FGGY: variants seen among roughly 807,000 people sequenced by gnomAD.
The protein encoded by FGGY is FGGY carbohydrate kinase domain containing, also known as FGGY carbohydrate kinase domain-containing protein.
FGGY carries 72 observed loss-of-function variants against 71.3 expected under a neutral mutation model. The observed-to-expected ratio is 1.01, with a 90% CI of 0.84 to 1.23. The LOEUF is 1.23. Among genes scored for constraint, FGGY ranks in the 50% most tolerant of loss-of-function variants. The probability of loss-of-function intolerance (pLI) is 0.00; values close to 1 mark genes in which losing one functional copy is unlikely to be tolerated. For synonymous variants in FGGY, 251 were observed against 250.3 expected (o/e 1.00, Z -0.02); for missense variants, 668 against 682.3 (o/e 0.98, Z 0.23).
rs542117299 is a variant in FGGY, at chr1:59,722,822, G to A, written c.1513-35109G>A. On this transcript the variant is annotated intron_variant, in intron 14 of 15. Transcript: ENST00000303721. ...TTTTGTTTTGTTTTGTCTGTGTGAC[G>A]GAGTCTTGCTCTCACCCAGGCTAGA... is the stretch of plus-strand genomic sequence containing the variant. Among the ~76,000 whole-genome samples, 16 of 152,136 alleles carry A rather than the reference G, an allele frequency of 1.1e-4. No homozygotes were observed. The South Asian group carries it at 2.1e-3, about 20-fold the overall frequency.
rs4256838 is a variant in FGGY at position 59,604,874 on chromosome 1, A to G, written c.904-2929A>G. ...AACCCTGGGTCCTAAGTGGTAATGA[A>G]TATGGACTGCCTCATTCATCTCAAA... On this transcript the variant is annotated intron_variant, in intron 8 of 15. Transcript: ENST00000303721. Among the ~76,000 whole-genome samples the G allele has an allele frequency of 6.0e-3, 911 of 152,326 alleles. 9 individuals carry two copies. The highest frequency in any genetic ancestry group is 0.021 in the African/African-American group (871 of 41,564).
chr1:59,427,833 C>T (rs1404071339), intron 5 of FGGY, among the ~76,000 whole-genome samples: 1 of 152,106 alleles, frequency 6.6e-6, no homozygotes, highest in African/African-American at 2.4e-5. Flanking sequence ...GGTCTATGTT[C>T]AGGGGCCAGG....
At chr1:59,361,825 G>A (rs557643766) in intron 4 of FGGY, among the ~76,000 whole-genome samples, 54 of 152,324 alleles carry the variant, frequency 3.5e-4, no homozygotes, top group Admixed American at 5.9e-4. Flanking sequence ...CCTCATTTCA[G>A]TTGTCTCAAG....
At chr1:59,368,007 A>G (rs1056574931) in intron 4 of FGGY, among the ~76,000 whole-genome samples, 2 of 152,220 alleles carry the variant, frequency 1.3e-5, no homozygotes, top group East Asian at 3.8e-4. Context: ...GTGCCAAGTC[A>G]TATAACCCAA....
At chr1:59,422,106 C>T (rs886109985) in intron 5 of FGGY, among the ~76,000 whole-genome samples, 1 of 152,210 alleles carries the variant, frequency 6.6e-6, no homozygotes, top group Non-Finnish European at 1.5e-5. Context: ...TGGCAAGAAT[C>T]ACCTGGAGAG....
chr1:59,552,473 G>A (rs2095622922), intron 7 of FGGY, among the ~76,000 whole-genome samples: 1 of 152,172 alleles, frequency 6.6e-6, no homozygotes. Context: ...GCCCCAGAAG[G>A]TAGAATTTGG....
At chr1:59,754,020 G>A (rs1558997083) in intron 14 of FGGY, among the ~76,000 whole-genome samples, 1 of 152,198 alleles carries the variant, frequency 6.6e-6, no homozygotes, top group Non-Finnish European at 1.5e-5. Flanking sequence ...TCTTCCAGCT[G>A]GAGTCTGCCA....
intron 8 of FGGY, among the ~76,000 whole-genome samples, chr1:59,590,765 A>G (rs1194598171): frequency 6.6e-5 from 10 of 152,302 alleles, no homozygotes; most frequent in Admixed American, 3.9e-4. Flanking sequence ...CTCTCAATAA[A>G]TTAGGTATTG....
chr1:59,548,315 G>A lies in FGGY; in HGVS notation c.800-5809G>A, dbSNP rs1558309603. ...ATCACATTCAGGAATAAGGAGAAAA[G>A]GTCCCAACCATATGGAACCCTGCTC... On this transcript the variant is annotated intron_variant, in intron 7 of 15. Coordinates refer to ENST00000303721, the MANE Select transcript of FGGY (RefSeq NM_018291.5). Among the ~76,000 whole-genome samples the A allele has an allele frequency of 2.0e-5, 3 of 152,164 alleles. No individual in the cohort carries two copies. In the South Asian group the frequency reaches 6.2e-4, roughly 32 times the overall value.
chr1:59,623,480 T>C (rs1406349035), intron 9 of FGGY, among the ~76,000 whole-genome samples: 1 of 152,222 alleles, frequency 6.6e-6, no homozygotes, highest in Non-Finnish European at 1.5e-5. Flanking sequence ...TGGTGCTATC[T>C]GTGTTTTTCC....
rs1180949637 is a variant in FGGY at position 59,720,657 on chromosome 1, CTTG to C, written c.1513-37269_1513-37267del. On this transcript the variant is annotated intron_variant, in intron 14 of 15. Transcript: ENST00000303721. ...GGCATCTTCCAGGAGACTAGAGGGT[CTTG>C]TTGTAACAATTGCAGCTAAGATTGA... is the stretch of plus-strand genomic sequence containing the variant. Among the ~76,000 whole-genome samples, 9 of 152,202 alleles carry C rather than the reference CTTG, an allele frequency of 5.9e-5. No homozygotes were observed. In the East Asian group the frequency reaches 1.5e-3, roughly 26 times the overall value.
chr1:59,544,865 G>C lies in FGGY; in HGVS notation c.800-9259G>C, dbSNP rs760667574. Among the ~76,000 whole-genome samples, 3 of 152,184 alleles carry C rather than the reference G, an allele frequency of 2.0e-5. 1 individual carries two copies. The highest frequency in any genetic ancestry group is 7.2e-5 in the African/African-American group (3 of 41,458). ...CTCCTTCAGACTGTGTAGCTCAACAGTTTTGTACCATCTGGCTATTTTTCT... is the reference window on the plus strand; with the variant it reads ...CTCCTTCAGACTGTGTAGCTCAACACTTTTGTACCATCTGGCTATTTTTCT... On this transcript the variant is annotated intron_variant, in intron 7 of 15. Transcript: ENST00000303721.
rs559486552 is a variant in FGGY, at chr1:59,596,250, A to T, written c.904-11553A>T. ...CATTTTTAGAAAATGTTGAATATGG[A>T]GAAGAGGGAAAAGATACCACCAAAA... On this transcript the variant is annotated intron_variant, in intron 8 of 15. Transcript: ENST00000303721. Among the ~76,000 whole-genome samples, 9 of 151,726 alleles carry T rather than the reference A, an allele frequency of 5.9e-5. No homozygotes were observed. In the South Asian group the frequency reaches 1.9e-3, roughly 32 times the overall value.
chr1:59,522,214 G>A (rs115078413), intron 7 of FGGY, among the ~76,000 whole-genome samples: 4 of 152,272 alleles, frequency 2.6e-5, no homozygotes, highest in African/African-American at 7.2e-5. Flanking sequence ...TATAAAGTTG[G>A]GTTCCTGGAC....
chr1:59,395,119 C>T (rs1446008063), intron 5 of FGGY, among the ~76,000 whole-genome samples: 2 of 152,054 alleles, frequency 1.3e-5, no homozygotes, highest in Admixed American at 6.6e-5. Flanking sequence ...AAGAACTTCT[C>T]TCATTGTAGT....
intron 5 of FGGY, among the ~76,000 whole-genome samples, chr1:59,400,317 G>T (rs958817489): frequency 2.6e-5 from 4 of 152,092 alleles, no homozygotes; most frequent in Non-Finnish European, 2.9e-5. Flanking sequence ...AATCTAAGCT[G>T]CATGCTTACC....
chr1:59,456,915 C>T (rs2091757187), intron 5 of FGGY, 46 bp from the exon 6 acceptor site: 1 of 1,398,862 alleles, frequency 7.1e-7, no homozygotes, highest in Non-Finnish European at 1.0e-6. Context: ...TAAAGGAAGC[C>T]TCACTCATAT....
chr1:59,677,615 G>A (rs2097449712), intron 14 of FGGY, among the ~76,000 whole-genome samples: 7 of 152,144 alleles, frequency 4.6e-5, no homozygotes, highest in Admixed American at 4.6e-4. Flanking sequence ...CCTTTCTTGG[G>A]TGATACCAAT....
At chr1:59,392,364 A>G (rs944570450) in intron 5 of FGGY, among the ~76,000 whole-genome samples, 3 of 152,152 alleles carry the variant, frequency 2.0e-5, no homozygotes, top group Non-Finnish European at 4.4e-5. Context: ...CAGGACCTAC[A>G]TCACAAGATA....
Sources: allele counts gnomAD v4.1 joint callset (sites outside exome capture counted in the v4.1 genomes callset), GRCh38; gene constraint gnomAD v4.1.1; transcripts MANE v1.5; gene names NCBI Gene and HGNC (gene_info 2026-07-23, HGNC 2026-07-21).